Variants in CRTAC1 observed in about 807,000 individuals in gnomAD.
CRTAC1 encodes the protein acidic secreted protein in cartilage.
Under a neutral mutation model 67.8 loss-of-function variants are expected in CRTAC1, and 37 were observed. That is an observed-to-expected ratio of 0.55 (90% CI 0.42 to 0.72). The LOEUF is 0.72. Ranked by LOEUF, CRTAC1 falls within the 30% of genes least tolerant of loss-of-function variation. The pLI is 0.00. For synonymous variants in CRTAC1, 348 were observed against 371.0 expected (o/e 0.94, Z 0.71); for missense variants, 780 against 931.6 (o/e 0.84, Z 2.12).
intron 2 of CRTAC1, among the ~76,000 whole-genome samples, chr10:97,943,382 C>T (rs1384809782): frequency 6.6e-6 from 1 of 152,210 alleles, no homozygotes; most frequent in Non-Finnish European, 1.5e-5. Flanking sequence ...TCTACAAAGA[C>T]AAATGGAGAG....
chr10:97,879,424 A>C (rs1407964374), intron 14 of CRTAC1, among the ~76,000 whole-genome samples: 7 of 152,184 alleles, frequency 4.6e-5, no homozygotes, highest in Non-Finnish European at 1.0e-4. Context: ...TGAAGGAGTG[A>C]GGGAGACTGG....
chr10:97,961,296 C>A (rs571916152), intron 2 of CRTAC1, among the ~76,000 whole-genome samples: 200 of 152,194 alleles, frequency 1.3e-3, no homozygotes, highest in African/African-American at 4.7e-3. Context: ...CCCCAAACAA[C>A]CTATCCTTTT....
chr10:97,893,723 C>G (rs1270273591), intron 11 of CRTAC1, among the ~76,000 whole-genome samples: 1 of 152,180 alleles, frequency 6.6e-6, no homozygotes. Context: ...CTCGGGCTGC[C>G]CTTGATGATG....
intron 7 of CRTAC1, among the ~76,000 whole-genome samples, chr10:97,902,736 A>G (rs1050518318): frequency 3.3e-5 from 5 of 152,116 alleles, no homozygotes; most frequent in Non-Finnish European, 5.9e-5. Flanking sequence ...CCTCTACCCG[A>G]CTTGGGCCTG....
intron 7 of CRTAC1, among the ~76,000 whole-genome samples, chr10:97,901,973 G>A (rs990687092): frequency 1.3e-5 from 2 of 152,206 alleles, no homozygotes; most frequent in African/African-American, 4.8e-5. Flanking sequence ...TGAGGTAACT[G>A]AGTCCTGGAG....
intron 2 of CRTAC1, among the ~76,000 whole-genome samples, chr10:97,977,200 G>C (rs548337276): frequency 6.6e-6 from 1 of 152,210 alleles, no homozygotes; most frequent in Non-Finnish European, 1.5e-5. Context: ...CAGGGTAATT[G>C]ATAAAGGGGC....
chr10:97,885,268 G>A (rs1197216131), intron 11 of CRTAC1, among the ~76,000 whole-genome samples: 1 of 152,180 alleles, frequency 6.6e-6, no homozygotes, highest in African/African-American at 2.4e-5. Flanking sequence ...AGGAGGATGA[G>A]GCAGAAGTAT....
chr10:97,920,593 C>T (rs1590209766), intron 4 of CRTAC1, among the ~76,000 whole-genome samples: 2 of 152,126 alleles, frequency 1.3e-5, no homozygotes, highest in East Asian at 3.9e-4. Context: ...AACGAGTTCC[C>T]AGATGATGCT....
At chr10:97,952,710 A>C (rs2051377880) in intron 2 of CRTAC1, among the ~76,000 whole-genome samples, 1 of 152,126 alleles carries the variant, frequency 6.6e-6, no homozygotes, top group Non-Finnish European at 1.5e-5. Flanking sequence ...TCTCATCAGG[A>C]TCCATTAAGG....
chr10:98,012,590 G>A (rs982083046), intron 1 of CRTAC1, among the ~76,000 whole-genome samples: 4 of 152,200 alleles, frequency 2.6e-5, no homozygotes, highest in Admixed American at 6.5e-5. Flanking sequence ...CTTAATGAAG[G>A]GAAGAGCAAG....
intron 2 of CRTAC1, among the ~76,000 whole-genome samples, chr10:97,946,454 G>A (rs2051265456): frequency 6.6e-6 from 1 of 152,164 alleles, no homozygotes; most frequent in South Asian, 2.1e-4. Flanking sequence ...CCAGAGGGGA[G>A]ATTGTGTTCT....
intron 2 of CRTAC1, among the ~76,000 whole-genome samples, chr10:97,974,197 A>C (rs2051760714): frequency 2.0e-5 from 3 of 152,224 alleles, no homozygotes; most frequent in South Asian, 2.1e-4. Flanking sequence ...TTCTGCCTAC[A>C]CACATTAGGA....
chr10:97,997,333 GT>G (rs1842601978), intron 2 of CRTAC1, among the ~76,000 whole-genome samples: 1 of 147,424 alleles, frequency 6.8e-6, no homozygotes, highest in African/African-American at 2.5e-5. Flanking sequence ...TGCCCCTGTA[GT>G]CCCAGCTACT....
intron 1 of CRTAC1, among the ~76,000 whole-genome samples, chr10:98,015,077 A>C (rs1438090509): frequency 6.6e-6 from 1 of 152,240 alleles, no homozygotes; most frequent in East Asian, 1.9e-4. Context: ...TGGATAAACA[A>C]AATGTGATAT....
intron 2 of CRTAC1, among the ~76,000 whole-genome samples, chr10:98,002,163 A>G (rs1842702338): frequency 6.6e-6 from 1 of 152,212 alleles, no homozygotes; most frequent in Non-Finnish European, 1.5e-5. Context: ...CTTCAAGGAA[A>G]GTGATTGGAG....
rs759408953 is a variant in CRTAC1 at position 97,895,385 on chromosome 10, A to G, written c.1346T>C (p.Val449Ala). Residue 449 changes from valine (V) to alanine (A), a missense_variant, in exon 11 of 15, where the codon GTG (valine) becomes GCG (alanine). By Grantham distance (64) the Val-to-Ala change is moderately conservative. Transcript: ENST00000370597. The surrounding 1 kb of genome is among the most constrained non-coding windows in gnomAD (Gnocchi z 4.2). Reference sequence around the variant, plus strand: ...AAAGGCCCCAAACCGGGTGCGTGGCACCACTCGCAGCCAGTTGTTGTTGAA... The same window carrying G: ...AAAGGCCCCAAACCGGGTGCGTGGCGCCACTCGCAGCCAGTTGTTGTTGAA... ...QGFNNNWLRVVPRTRFGAFAR... is the reference protein window; with the variant it reads ...QGFNNNWLRVAPRTRFGAFAR... 2 of 1,610,552 alleles carry G rather than the reference A, an allele frequency of 1.2e-6. No individual in the cohort carries two copies. Among genetic ancestry groups the G allele is most frequent in the South Asian group, 2.2e-5 (2 of 90,504 alleles).
intron 2 of CRTAC1, among the ~76,000 whole-genome samples, chr10:98,004,688 C>T (rs1165847094): frequency 6.6e-6 from 1 of 151,628 alleles, no homozygotes; most frequent in Non-Finnish European, 1.5e-5. Flanking sequence ...AAAATGAATA[C>T]AGTACATCCA....
intron 11 of CRTAC1, among the ~76,000 whole-genome samples, chr10:97,892,880 C>T (rs763976324): frequency 2.0e-4 from 31 of 152,114 alleles, no homozygotes; most frequent in Non-Finnish European, 3.5e-4. Flanking sequence ...GCTCTGGGTC[C>T]CCTAAATATT....
chr10:97,963,290 C>T (rs2051557889), intron 2 of CRTAC1, among the ~76,000 whole-genome samples: 1 of 152,188 alleles, frequency 6.6e-6, no homozygotes, highest in South Asian at 2.1e-4. Context: ...AGTGTGGTCT[C>T]TGACCAGGAG....
Sources: gnomAD v4.1 joint callset for allele counts (sites outside exome capture counted in the v4.1 genomes callset) on GRCh38, gnomAD v4.1.1 for gene constraint, Gnocchi (gnomAD v3.1) non-coding constraint, MANE v1.5 for transcripts, NCBI Gene and HGNC (gene_info 2026-07-23, HGNC 2026-07-21) for gene names.